The following MYO1C variants were observed in gnomAD, a reference collection of about 807,000 sequenced individuals.
MYO1C encodes the protein unconventional myosin-Ic.
A neutral mutation model predicts 150.8 loss-of-function variants in MYO1C; 104 were observed. That is an observed-to-expected ratio of 0.69 (90% confidence interval 0.59 to 0.81). The LOEUF is 0.81. MYO1C is among the 30% of genes least tolerant of loss of function. The pLI is 0.00. For missense variants in MYO1C, 1,504 were observed against 1,435.0 expected (o/e 1.05, Z -0.78); for synonymous variants, 663 against 579.9 (o/e 1.14, Z -2.06).
At position 1,468,504 on chromosome 17, in the gene MYO1C, G is replaced by A. The variant is rs1442730961; in HGVS notation, c.2611-8C>T. ...CACGGCCTTCTGCTGCAGCTGAGGAGACAAGGGGGGTGAGGAGAGTGTCAT... is the reference window on the plus strand; with the variant it reads ...CACGGCCTTCTGCTGCAGCTGAGGAAACAAGGGGGGTGAGGAGAGTGTCAT... On this transcript the variant is annotated splice_region_variant and splice_polypyrimidine_tract_variant and intron_variant, in intron 25 of 31. Coordinates refer to ENST00000648651, the MANE Select transcript of MYO1C (RefSeq NM_001080779.2). 3 of 1,609,814 alleles carry A rather than the reference G, an allele frequency of 1.9e-6. No individual in the cohort carries two copies. In the African/African-American group the frequency reaches 4.0e-5, roughly 22 times the overall value.
At chr17:1,476,670 G>A (rs1053948347) in intron 14 of MYO1C, among the ~76,000 whole-genome samples, 1 of 152,188 alleles carries the variant, frequency 6.6e-6, no homozygotes, top group African/African-American at 2.4e-5. Context: ...GACATGCACA[G>A]CATGCATCAG....
chr17:1,484,242 A>AC lies in MYO1C; in HGVS notation c.136dup (p.Val46GlyfsTer66). The AC allele has an allele frequency of 6.2e-7, 1 of 1,612,306 alleles. No individual in the cohort carries two copies. Among genetic ancestry groups the AC allele is most frequent in the East Asian group, 2.2e-5 (1 of 44,866 alleles). ...CAGCAGCACGAAATCCTGCACCCCC[A>AC]CCCGGTCACGGGCGGTGAGCGCACT... On this transcript the variant is annotated frameshift_variant, in exon 2 of 32. Coordinates refer to ENST00000648651, the MANE Select transcript of MYO1C (RefSeq NM_001080779.2). LOFTEE classifies it high-confidence loss of function.
chr17:1,465,812 CAG>C, intron 31 of MYO1C, 60 bp from the exon 32 acceptor site: 1 of 1,225,254 alleles, frequency 8.2e-7, no homozygotes, highest in Non-Finnish European at 1.1e-6. Flanking sequence ...CCCCGGTACT[CAG>C]ACTTTTCTTT....
At chr17:1,474,774 T>TCCCCACCCCCCCCCCCCCCACCC in intron 16 of MYO1C, 38 bp downstream of exon 16, 1 of 1,597,376 alleles carries the variant, frequency 6.3e-7, no homozygotes, top group Non-Finnish European at 8.6e-7. Flanking sequence ...CTGTGGGCTA[T>TCCCCACCCCCCCCCCCCCCACCC]CCCCACCCCC....
In MYO1C at chr17:1,468,392, C is replaced by G. The variant is rs763849290; in HGVS notation, c.2704+11G>C. 1.5e-5 allele frequency: 24 copies of G among 1,613,772 alleles called. No homozygotes were observed. In the East Asian group the frequency reaches 5.1e-4, roughly 34 times the overall value. ...ACGAAAGGTCTGAGTGCTGGAAAGT[C>G]AGGGGCTCACCAAGCCGAGTGCTGA... On this transcript the variant is annotated intron_variant, in intron 26 of 31. Coordinates refer to ENST00000648651, the MANE Select transcript of MYO1C (RefSeq NM_001080779.2).
At chr17:1,481,089 G>C in intron 5 of MYO1C, 1 of 597,904 alleles carries the variant, frequency 1.7e-6, no homozygotes, top group South Asian at 2.0e-5. Context: ...CAACTCCAAC[G>C]ACCTGGCTGC....
intron 1 of MYO1C, chr17:1,485,481 T>C: frequency 1.6e-6 from 1 of 620,158 alleles, no homozygotes. Context: ...CTCCGCGTTC[T>C]CAGGCGTCCC....
At position 1,479,652 on chromosome 17, in the gene MYO1C, A is replaced by G. The variant is rs1459091845; in HGVS notation, c.960T>C (p.Ala320=). 2.5e-6 allele frequency: 4 copies of G among 1,613,094 alleles called. No homozygotes were observed. The African/African-American group carries it at 5.3e-5, about 22-fold the overall frequency. Residue 320 remains alanine (A), a synonymous_variant, in exon 8 of 32, where the codon GCT becomes GCC. Transcript: ENST00000648651. This position sits in a 1 kb window ranked among gnomAD's most constrained non-coding sequence, Gnocchi z 4.2. Reference sequence around the variant, plus strand: ...CCTGGGCATTGCTCTCCTCGTTGGCAGCAAAGTGGATGTTGCCCAAATGAA... The same window carrying G: ...CCTGGGCATTGCTCTCCTCGTTGGCGGCAAAGTGGATGTTGCCCAAATGAA... ...SVLHLGNIHF[A]ANEESNAQVT... is the part of the protein sequence containing the mutation.
Position 1,465,594 on chromosome 17 carries a change from G to T in MYO1C, c.*132C>A. 1.1e-6 allele frequency: 1 copy of T among 950,870 alleles called. No individual in the cohort carries two copies. Among genetic ancestry groups the T allele is most frequent in the Non-Finnish European group, 1.4e-6 (1 of 689,966 alleles). 58.9% of individuals were successfully genotyped at this position (950,870 alleles called of 1,614,324 possible). Reference sequence around the variant, plus strand: ...TCCCTCAAGAGAGGGATGGGCAGGAGGTGGGAGATTGCAGGTGGGCTTCGG... The same window carrying T: ...TCCCTCAAGAGAGGGATGGGCAGGATGTGGGAGATTGCAGGTGGGCTTCGG... On this transcript the variant is annotated 3_prime_UTR_variant, in exon 32 of 32. Coordinates refer to ENST00000648651, the MANE Select transcript of MYO1C (RefSeq NM_001080779.2).
rs554882861 is a variant in MYO1C at position 1,470,436 on chromosome 17, G to A, written c.2365C>T (p.Arg789Trp). ...KRKWAAQTIR[R>W]LIRGFVLRHA... ...CCCACAAGGCACCCTGGCGCTCACC[G>A]CCGGATGGTCTGTGCCGCCCACTTC... The change falls in exon 23 of 32, where the codon CGG (arginine) becomes TGG (tryptophan). Residue 789 changes from arginine (R) to tryptophan (W), a missense_variant and splice_region_variant. Coordinates refer to ENST00000648651, the MANE Select transcript of MYO1C (RefSeq NM_001080779.2). 7 of 1,550,382 alleles carry A rather than the reference G, an allele frequency of 4.5e-6. No individual in the cohort carries two copies. Among genetic ancestry groups the A allele is most frequent in the Admixed American group, 3.9e-5 (2 of 51,010 alleles).
At chr17:1,485,357 T>TGGGCTGGGGCGTCACTCAGGGCCC in intron 1 of MYO1C, 1 of 1,076,046 alleles carries the variant, frequency 9.3e-7, no homozygotes, top group East Asian at 8.6e-5. Context: ...CCCAGATTTC[T>TGGGCTGGGGCGTCACTCAGGGCCC]GGCCGGGGGC....
intron 25 of MYO1C, 162 bp downstream of exon 25, chr17:1,469,369 T>A: frequency 4.3e-6 from 3 of 691,348 alleles, no homozygotes; most frequent in Non-Finnish European, 7.7e-6. Context: ...CTGGGGTAAA[T>A]AGAGTAGACC....
Position 1,468,137 on chromosome 17 carries a change from C to G in MYO1C, c.2761-14G>C, listed in dbSNP as rs371263568. On this transcript the variant is annotated splice_polypyrimidine_tract_variant and intron_variant, in intron 27 of 31. Coordinates refer to ENST00000648651, the MANE Select transcript of MYO1C (RefSeq NM_001080779.2). ...AGGCACCGCATACTGGGGACAGAGG[C>G]CAGGCTGAAGGGGCTGGGGAGAGGC... 1.2e-6 allele frequency: 2 copies of G among 1,613,226 alleles called. No individual in the cohort carries two copies. The highest frequency in any genetic ancestry group is 3.3e-5 in the Admixed American group (2 of 60,006).
chr17:1,483,122 C>T (rs1199921971), intron 3 of MYO1C, 63 bp from the exon 4 acceptor site: 49 of 1,478,604 alleles, frequency 3.3e-5, no homozygotes, highest in South Asian at 5.0e-5. Flanking sequence ...ACGAGAGTCC[C>T]GCTCCCACAT....
At position 1,465,466 on chromosome 17, in the gene MYO1C, T is replaced by C; in HGVS notation, c.*260A>G. On this transcript the variant is annotated 3_prime_UTR_variant, in exon 32 of 32. Transcript: ENST00000648651. ...GCAAAAGTTCCCTTCTCTCAAATAT[T>C]TGGCATCGGCAGTAGGGCTGGCATG... is the stretch of plus-strand genomic sequence containing the variant. The C allele has an allele frequency of 5.2e-6, 2 of 383,780 alleles. No individual in the cohort carries two copies. The highest frequency in any genetic ancestry group is 9.3e-6 in the Non-Finnish European group (2 of 216,168). 23.8% of individuals were successfully genotyped at this position (383,780 alleles called of 1,614,324 possible).
Position 1,478,138 on chromosome 17 carries a change from G to T in MYO1C, c.1350C>A (p.Ile450=). ...CCTGCTCCGACTTGAGCGTGAGCTC[G>T]ATGAAGAGCTGCTGCAGCTTCTCGT... ...YCNEKLQQLF[I]ELTLKSEQEE... The change falls in exon 12 of 32, where the codon ATC becomes ATA. Residue 450 remains isoleucine (I), a synonymous_variant. Transcript: ENST00000648651. This position sits in a 1 kb window ranked among gnomAD's most constrained non-coding sequence, Gnocchi z 6.3. 1.9e-6 allele frequency: 3 copies of T among 1,614,076 alleles called. No individual in the cohort carries two copies. Among genetic ancestry groups the T allele is most frequent in the Non-Finnish European group, 2.5e-6 (3 of 1,180,046 alleles).
At chr17:1,477,740 C>A in intron 13 of MYO1C, 144 bp from the exon 14 acceptor site, 1 of 999,206 alleles carries the variant, frequency 1.0e-6, no homozygotes, top group Non-Finnish European at 1.6e-6. Flanking sequence ...ACTGGGGCGG[C>A]ACCTCCCTCC....
At chr17:1,465,806 G>A (rs377541568) in intron 31 of MYO1C, 54 bp from the exon 32 acceptor site, 773 of 1,257,606 alleles carry the variant, frequency 6.1e-4, no homozygotes, top group Non-Finnish European at 7.4e-4. Flanking sequence ...CGGGGGCCCC[G>A]GTACTCAGAC....
At chr17:1,467,642 T>G in intron 29 of MYO1C, 65 bp from the exon 30 acceptor site, 1 of 926,582 alleles carries the variant, frequency 1.1e-6, no homozygotes, top group Non-Finnish European at 1.4e-6. Flanking sequence ...CCGCCCCACC[T>G]CCCCATCCAC....
Sources: allele counts gnomAD v4.1 joint callset (sites outside exome capture counted in the v4.1 genomes callset), GRCh38; gene constraint gnomAD v4.1.1; non-coding constraint Gnocchi (gnomAD v3.1); transcripts MANE v1.5; gene names NCBI Gene and HGNC (gene_info 2026-07-23, HGNC 2026-07-21).